Variants in STON2 observed in about 807,000 individuals in gnomAD.
The protein encoded by STON2 is stonin 2.
Under a neutral mutation model 65.7 loss-of-function variants are expected in STON2, and 29 were observed. The observed-to-expected ratio is 0.44, with a 90% CI of 0.33 to 0.60. The LOEUF is 0.60. STON2 is among the 20% of genes least tolerant of loss of function. STON2 has a pLI of 0.03. For missense variants in STON2, 1,054 were observed against 1,118.1 expected (o/e 0.94, Z 0.82); for synonymous variants, 404 against 414.2 (o/e 0.98, Z 0.30).
intron 5 of STON2, among the ~76,000 whole-genome samples, chr14:81,282,266 A>G (rs1346816898): frequency 6.6e-6 from 1 of 152,238 alleles, no homozygotes; most frequent in Non-Finnish European, 1.5e-5. Context: ...CTCTTGATGC[A>G]TGTTAATTCA....
chr14:81,394,847 T>A (rs1900238637), intron 3 of STON2: 1 of 152,222 alleles, frequency 6.6e-6, no homozygotes, highest in African/African-American at 2.4e-5. Flanking sequence ...TTTGACCCGG[T>A]GACACCCATG....
intron 4 of STON2, among the ~76,000 whole-genome samples, chr14:81,361,815 A>G (rs8014260): frequency 0.39 from 58,941 of 151,878 alleles, 11,757 homozygotes; most frequent in South Asian, 0.58. Context: ...AAATAATTGG[A>G]TTTAAAAATA....
In STON2 at chr14:81,277,059, T is replaced by C. The variant is rs147885542; in HGVS notation, c.2423A>G (p.Lys808Arg). ...CCGGTTCACTTTGGCTTTCAAAGACTTTTCCCCCAGGACACTTTCCCTGCG... is the reference window on the plus strand; with the variant it reads ...CCGGTTCACTTTGGCTTTCAAAGACCTTTCCCCCAGGACACTTTCCCTGCG... Reference protein sequence around the residue: ...NFRRESVLGEKSLKAKVNRGA... With the variant: ...NFRRESVLGERSLKAKVNRGA... The change falls in exon 6 of 8, where the codon AAG becomes AGG. Residue 808 changes from lysine to arginine, a missense_variant. Transcript: ENST00000614646. 33 of 1,614,094 alleles carry C rather than the reference T, an allele frequency of 2.0e-5. No individual in the cohort carries two copies. Among genetic ancestry groups the C allele is most frequent in the Non-Finnish European group, 2.7e-5 (32 of 1,180,054 alleles).
chr14:81,384,555 C>T (rs1899699443), intron 3 of STON2, among the ~76,000 whole-genome samples: 1 of 152,276 alleles, frequency 6.6e-6, no homozygotes, highest in South Asian at 2.1e-4. Flanking sequence ...CTTATATTTA[C>T]TTCTTTAGTG....
chr14:81,327,032 C>G (rs1188731392), intron 4 of STON2, among the ~76,000 whole-genome samples: 1 of 152,150 alleles, frequency 6.6e-6, no homozygotes. Context: ...GTGGCACGCG[C>G]CTGTAATCCC....
chr14:81,285,698 A>G (rs747948115), intron 5 of STON2, among the ~76,000 whole-genome samples: 43 of 152,232 alleles, frequency 2.8e-4, no homozygotes, highest in Non-Finnish European at 5.3e-4. Flanking sequence ...TTGAAATGAC[A>G]GCAAAGAGTT....
chr14:81,275,528 G>A (rs1481252272), intron 6 of STON2, among the ~76,000 whole-genome samples: 1 of 152,062 alleles, frequency 6.6e-6, no homozygotes, highest in Non-Finnish European at 1.5e-5. Flanking sequence ...CAATTCAGAG[G>A]GGCCCCGTGG....
chr14:81,398,443 T>G lies in STON2; in HGVS notation c.-61A>C. 7.2e-7 allele frequency: 1 copy of G among 1,390,122 alleles called. No homozygotes were observed. The highest frequency in any genetic ancestry group is 1.0e-6 in the Non-Finnish European group (1 of 978,388). The allele number at this position is 1,390,122 out of a possible 1,614,324, so 86.1% of individuals were successfully genotyped here. On this transcript the variant is annotated 5_prime_UTR_variant, in exon 2 of 8. Coordinates refer to ENST00000614646, the MANE Select transcript of STON2 (RefSeq NM_001394390.1). ...CTCAGGTGAACCCCAGAATACTGTC[T>G]GGGGTGGGCTGGAGTAGGGGTATGG...
Position 81,277,366 on chromosome 14 carries a change from C to G in STON2, c.2116G>C (p.Gly706Arg). 6.2e-7 allele frequency: 1 copy of G among 1,614,162 alleles called. No homozygotes were observed. The highest frequency in any genetic ancestry group is 8.5e-7 in the Non-Finnish European group (1 of 1,180,018). ...WIKLHECRFH[G>R]CVDEDVFHNS... ...TGGAAAACATCCTCATCCACACACC[C>G]ATGGAAACGGCACTCATGGAGCTTG... The change falls in exon 6 of 8, where the codon GGG becomes CGG. Residue 706 changes from glycine (G) to arginine (R), a missense_variant. Physicochemically the swap from Gly to Arg is moderately radical, Grantham distance 125. Coordinates refer to ENST00000614646, the MANE Select transcript of STON2 (RefSeq NM_001394390.1).
chr14:81,346,876 T>C (rs117357698), intron 4 of STON2, among the ~76,000 whole-genome samples: 2,499 of 152,160 alleles, frequency 0.016, 32 homozygotes, highest in Non-Finnish European at 0.026. Flanking sequence ...TTGAAACACA[T>C]TGAAATGGAA....
chr14:81,433,978 T>G (rs879539860), intron 1 of STON2, among the ~76,000 whole-genome samples: 3 of 152,186 alleles, frequency 2.0e-5, no homozygotes, highest in Non-Finnish European at 4.4e-5. Context: ...ACCTCACCCC[T>G]GCCTGCACAA....
intron 5 of STON2, among the ~76,000 whole-genome samples, chr14:81,310,700 G>A (rs992342556): frequency 6.6e-6 from 1 of 152,048 alleles, no homozygotes; most frequent in African/African-American, 2.4e-5. Flanking sequence ...ATCAGGATAC[G>A]CTGCTGCATT....
rs1894493103 is a variant in STON2 at position 81,269,641 on chromosome 14, T to C, written c.2784+1029A>G. On this transcript the variant is annotated intron_variant, in intron 7 of 7. Coordinates refer to ENST00000614646, the MANE Select transcript of STON2 (RefSeq NM_001394390.1). ...GTGTTTGTTCCTTTTGGTAGTTAAA[T>C]ATTTTAGCCCACACAGCTAAGGAAA... 18 of 985,270 alleles carry C rather than the reference T, an allele frequency of 1.8e-5. 1 individual carries two copies. In the South Asian group the frequency reaches 5.2e-4, roughly 28 times the overall value. The allele number at this position is 985,270 out of a possible 1,614,324, so 61.0% of individuals were successfully genotyped here. A position where few individuals can be genotyped will look rare whatever the true frequency, so the allele number is the denominator to read the frequency against.
intron 5 of STON2, among the ~76,000 whole-genome samples, chr14:81,322,606 G>A (rs542334312): frequency 5.3e-5 from 8 of 152,312 alleles, no homozygotes; most frequent in Non-Finnish European, 8.8e-5. Context: ...TGACAATGAT[G>A]ACGTAGTGCT....
Position 81,268,498 on chromosome 14 carries a change from C to G in STON2, c.2785-1G>C, listed in dbSNP as rs753717622. 1.0e-5 allele frequency: 13 copies of G among 1,289,422 alleles called. No homozygotes were observed. The highest frequency in any genetic ancestry group is 1.3e-5 in the Non-Finnish European group (13 of 988,710). The allele number at this position is 1,289,422 out of a possible 1,614,324, so 79.9% of individuals were successfully genotyped here. ...AACTCTTTTTTTGCTCAATTTCCAC[C>G]TGCCAAGAATAGAAGTTGGAGATAA... On this transcript the variant is annotated splice_acceptor_variant, in intron 7 of 7. Coordinates refer to ENST00000614646, the MANE Select transcript of STON2 (RefSeq NM_001394390.1). LOFTEE classifies it high-confidence loss of function.
At chr14:81,425,470 G>A (rs971599950) in intron 2 of STON2, among the ~76,000 whole-genome samples, 1 of 152,096 alleles carries the variant, frequency 6.6e-6, no homozygotes, top group Non-Finnish European at 1.5e-5. Context: ...TACTTGGGAG[G>A]CTTAGGCAGG....
At chr14:81,345,183 T>C (rs971154801) in intron 4 of STON2, among the ~76,000 whole-genome samples, 9 of 152,214 alleles carry the variant, frequency 5.9e-5, no homozygotes, top group African/African-American at 1.9e-4. Context: ...AACTTCTGAA[T>C]TGTAGTTACA....
At chr14:81,380,336 A>G (rs895174071) in intron 3 of STON2, among the ~76,000 whole-genome samples, 1 of 152,224 alleles carries the variant, frequency 6.6e-6, no homozygotes, top group African/African-American at 2.4e-5. Context: ...AAGTCAAAAA[A>G]TAATAGATGC....
intron 4 of STON2, among the ~76,000 whole-genome samples, chr14:81,367,855 TG>T (rs1898810482): frequency 6.6e-6 from 1 of 152,190 alleles, no homozygotes; most frequent in African/African-American, 2.4e-5. Flanking sequence ...TCAAAGCAGA[TG>T]GAAGCATTCC....
Sources: allele counts gnomAD v4.1 joint callset (sites outside exome capture counted in the v4.1 genomes callset), GRCh38; gene constraint gnomAD v4.1.1; transcripts MANE v1.5; gene names NCBI Gene and HGNC (gene_info 2026-07-23, HGNC 2026-07-21).